The following FDXR variants were observed in gnomAD, a reference collection of about 807,000 sequenced individuals.
FDXR encodes the protein ferredoxin reductase.
Under a neutral mutation model 58.3 loss-of-function variants are expected in FDXR, and 38 were observed. That is an observed-to-expected ratio of 0.65 (90% confidence interval 0.50 to 0.85). The LOEUF is 0.85. Among genes scored for constraint, FDXR ranks in the 40% least tolerant of loss-of-function variants. FDXR has a pLI of 0.00. For synonymous variants in FDXR, 275 were observed against 273.8 expected (o/e 1.00, Z -0.04); for missense variants, 624 against 671.0 (o/e 0.93, Z 0.77).
rs35832918 is a variant in FDXR at position 74,872,981 on chromosome 17, A to G, written c.-37T>C. 0.023 allele frequency: 35,001 copies of G among 1,535,876 alleles called. 4,354 individuals carry two copies. In the African/African-American group the frequency reaches 0.33, roughly 15 times the overall value. On this transcript the variant is annotated 5_prime_UTR_variant, in exon 1 of 12. Coordinates refer to ENST00000293195, the MANE Select transcript of FDXR (RefSeq NM_024417.5). Reference sequence around the variant, plus strand: ...GCAACCTGCAAGTGGATCTGTTCCTAGCTACTGCTCCGCAGGGCAAGCCCG... The same window carrying G: ...GCAACCTGCAAGTGGATCTGTTCCTGGCTACTGCTCCGCAGGGCAAGCCCG...
chr17:74,871,936 C>CA, intron 2 of FDXR, 100 bp downstream of exon 2: 1 of 851,378 alleles, frequency 1.2e-6, no homozygotes, highest in Non-Finnish European at 1.8e-6. Context: ...GCCCCTTCCC[C>CA]ATAAGGCAAC....
At position 74,866,562 on chromosome 17, in the gene FDXR, T is replaced by C. The variant is rs1388327684; in HGVS notation, c.277A>G (p.Ile93Val). 2 of 1,613,384 alleles carry C rather than the reference T, an allele frequency of 1.2e-6. No individual in the cohort carries two copies. The highest frequency in any genetic ancestry group is 1.7e-6 in the Non-Finnish European group (2 of 1,180,014). ...TGGGCCGTCTGGGTAAATGTGTTGA[T>C]GACATTCTGCCAGGTCCCCCGGGAA... ...APDHPEVKNV[I>V]NTFTQTAHSG... The change falls in exon 4 of 12, where the codon ATC becomes GTC. Residue 93 changes from isoleucine (I) to valine (V), a missense_variant. Physicochemically the swap from Ile to Val is conservative, Grantham distance 29. Transcript: ENST00000293195.
Position 74,864,460 on chromosome 17 carries a change from G to A in FDXR, c.802+20C>T, listed in dbSNP as rs764945182. 31 of 1,611,742 alleles carry A rather than the reference G, an allele frequency of 1.9e-5. No homozygotes were observed. The South Asian group carries it at 3.0e-4, about 15-fold the overall frequency. Reference sequence around the variant, plus strand: ...CCACCCTCTCCCTAGTAGTTGGGGGGCCAGGCCAGGGCCCCTCACCCTTGA... The same window carrying A: ...CCACCCTCTCCCTAGTAGTTGGGGGACCAGGCCAGGGCCCCTCACCCTTGA... On this transcript the variant is annotated intron_variant, in intron 8 of 11. Transcript: ENST00000293195.
In FDXR at chr17:74,872,982, G is replaced by C; in HGVS notation, c.-38C>G. 1.3e-6 allele frequency: 2 copies of C among 1,531,704 alleles called. No homozygotes were observed. Among genetic ancestry groups the C allele is most frequent in the Non-Finnish European group, 1.8e-6 (2 of 1,134,360 alleles). The allele number at this position is 1,531,704 out of a possible 1,614,324, so 94.9% of individuals were successfully genotyped here. A position where few individuals can be genotyped will look rare whatever the true frequency, so the allele number is the denominator to read the frequency against. ...CAACCTGCAAGTGGATCTGTTCCTAGCTACTGCTCCGCAGGGCAAGCCCGC... is the reference window on the plus strand; with the variant it reads ...CAACCTGCAAGTGGATCTGTTCCTACCTACTGCTCCGCAGGGCAAGCCCGC... On this transcript the variant is annotated 5_prime_UTR_variant, in exon 1 of 12. Coordinates refer to ENST00000293195, the MANE Select transcript of FDXR (RefSeq NM_024417.5).
chr17:74,870,876 C>T (rs1462627662), intron 2 of FDXR, among the ~76,000 whole-genome samples: 1 of 142,546 alleles, frequency 7.0e-6, no homozygotes, highest in Admixed American at 7.6e-5. Context: ...GATCTTGGCT[C>T]AGTGCTACCT....
intron 2 of FDXR, chr17:74,868,432 A>G: frequency 1.4e-6 from 1 of 730,614 alleles, no homozygotes; most frequent in South Asian, 1.5e-5. Flanking sequence ...AGCTATCATT[A>G]CTATTCTGTT....
chr17:74,866,211 T>C lies in FDXR; in HGVS notation c.427A>G (p.Ile143Val), dbSNP rs776491969. The change falls in exon 5 of 12, where the codon ATT becomes GTT. Residue 143 changes from isoleucine (I) to valine (V), a missense_variant. Transcript: ENST00000293195. ...ACACCTGGCAGCTCCTCACCAGGAA[T>C]TTCCAGGGCCCGATGGTCCTCTGCC... Reference protein sequence around the residue: ...YGAEDHRALEIPGEELPGVCS... With the variant: ...YGAEDHRALEVPGEELPGVCS... 2 of 1,613,876 alleles carry C rather than the reference T, an allele frequency of 1.2e-6. No homozygotes were observed. Among genetic ancestry groups the C allele is most frequent in the African/African-American group, 1.3e-5 (1 of 74,906 alleles).
rs1598523643 is a variant in FDXR, at chr17:74,866,233, T to C, written c.405A>G (p.Ala135=). The change falls in exon 5 of 12, where the codon GCA becomes GCG. Residue 135 remains alanine, a synonymous_variant. Coordinates refer to ENST00000293195, the MANE Select transcript of FDXR (RefSeq NM_024417.5). ...GAATTTCCAGGGCCCGATGGTCCTC[T>C]GCCCCGTAGCTCTGATGAAAGATGG... The part of the protein sequence containing the change: ...AYHAVVLSYG[A]EDHRALEIPG... 1 of 1,613,624 alleles carries C rather than the reference T, an allele frequency of 6.2e-7. No individual in the cohort carries two copies.
At chr17:74,869,262 C>A (rs1033987122) in intron 2 of FDXR, among the ~76,000 whole-genome samples, 2 of 152,230 alleles carry the variant, frequency 1.3e-5, no homozygotes, top group African/African-American at 4.8e-5. Flanking sequence ...ATTGCTGACT[C>A]TTGGGCCCAG....
At chr17:74,869,830 T>C (rs2038312848) in intron 2 of FDXR, 1 of 392,620 alleles carries the variant, frequency 2.5e-6, no homozygotes, top group Non-Finnish European at 5.5e-6. Context: ...GTCCAGTAAA[T>C]GATTACTGAA....
At position 74,872,096 on chromosome 17, in the gene FDXR, G is replaced by C. The variant is rs1240175093; in HGVS notation, c.117C>G (p.Pro39=). The change falls in exon 2 of 12, where the codon CCC becomes CCG. Residue 39 remains proline (P), a synonymous_variant. Coordinates refer to ENST00000293195, the MANE Select transcript of FDXR (RefSeq NM_024417.5). The part of the protein sequence containing the change: ...CHHFSTQEKT[P]QICVVGSGPA... ...GGCCACTGCCCACCACACAGATCTG[G>C]GGGGTCTTCTCCTGTGTGGAGAAAT... is the stretch of plus-strand genomic sequence containing the variant. 2 of 1,607,756 alleles carry C rather than the reference G, an allele frequency of 1.2e-6. No individual in the cohort carries two copies. The highest frequency in any genetic ancestry group is 1.3e-5 in the African/African-American group (1 of 74,660).
chr17:74,866,199 C>A lies in FDXR; in HGVS notation c.439G>T (p.Glu147Ter), dbSNP rs775097448. ...DHRALEIPGE[E>*]LPGVCSARAF... ...CGGGCGGAGCACACACCTGGCAGCT[C>A]CTCACCAGGAATTTCCAGGGCCCGA... The change falls in exon 5 of 12, where the codon GAG becomes TAG. Residue 147 changes from glutamate to a stop codon, truncating the protein, a stop_gained. Transcript: ENST00000293195. LOFTEE classifies it high-confidence loss of function. 1 of 1,614,076 alleles carries A rather than the reference C, an allele frequency of 6.2e-7. No individual in the cohort carries two copies. The highest frequency in any genetic ancestry group is 8.5e-7 in the Non-Finnish European group (1 of 1,180,014).
At chr17:74,864,769 A>C (rs988702605) in intron 7 of FDXR, 55 bp downstream of exon 7, 9 of 1,609,416 alleles carry the variant, frequency 5.6e-6, no homozygotes, top group Non-Finnish European at 7.6e-6. Flanking sequence ...CCAACCCCTT[A>C]AGGAGAGGCC....
chr17:74,864,448 A>G (rs1292769515), intron 8 of FDXR, 32 bp downstream of exon 8: 5 of 1,609,968 alleles, frequency 3.1e-6, no homozygotes, highest in Non-Finnish European at 4.2e-6. Context: ...CCCTCTCCCT[A>G]GTAGTTGGGG....
chr17:74,872,871 G>A lies in FDXR; in HGVS notation c.74C>T (p.Thr25Ile), dbSNP rs775073438. The change falls in exon 1 of 12, where the codon ACC (threonine) becomes ATC (isoleucine). Residue 25 changes from threonine (T) to isoleucine (I), a missense_variant. Physicochemically the swap from Thr to Ile is moderately conservative, Grantham distance 89. Transcript: ENST00000293195. The stretch of plus-strand genomic sequence containing the variant: ...CAAAGGCGCCCTGCTCCTACTCGGG[G>A]TGCTCCCGGCGGGAGGCAGCCGGGT... ...PRTRLPPAGSTPSFCHHFSTQ... is the reference protein window; with the variant it reads ...PRTRLPPAGSIPSFCHHFSTQ... 1.0e-5 allele frequency: 16 copies of A among 1,547,830 alleles called. No homozygotes were observed. In the South Asian group the frequency reaches 1.8e-4, roughly 17 times the overall value.
At position 74,872,924 on chromosome 17, in the gene FDXR, G is replaced by C. The variant is rs1233627879; in HGVS notation, c.21C>G (p.Arg7=). 6.4e-7 allele frequency: 1 copy of C among 1,556,030 alleles called. No individual in the cohort carries two copies. The highest frequency in any genetic ancestry group is 8.7e-7 in the Non-Finnish European group (1 of 1,150,344). MASRCW[R]WWGWSAWPRT... is the part of the protein sequence containing the mutation. The stretch of plus-strand genomic sequence containing the variant: ...GAGGCCACGCCGACCAGCCCCACCA[G>C]CGCCAGCAGCGCGAAGCCATGGCTG... Residue 7 remains arginine (R), a synonymous_variant, in exon 1 of 12, where the codon CGC becomes CGG. Transcript: ENST00000293195.
intron 2 of FDXR, chr17:74,868,190 C>T: frequency 3.0e-6 from 1 of 337,894 alleles, no homozygotes; most frequent in Non-Finnish European, 5.6e-6. Context: ...CAGGGGGCTA[C>T]CCAAACCACC....
intron 6 of FDXR, among the ~76,000 whole-genome samples, chr17:74,865,229 G>T (rs377405901): frequency 1.4e-4 from 22 of 152,270 alleles, no homozygotes; most frequent in African/African-American, 4.6e-4. Flanking sequence ...GAGACAAGGA[G>T]CAGGCCCTCT....
chr17:74,869,840 A>C, intron 2 of FDXR: 1 of 403,172 alleles, frequency 2.5e-6, no homozygotes, highest in Non-Finnish European at 5.3e-6. Context: ...TGATTACTGA[A>C]TGGATTAACA....
Sources: allele counts gnomAD v4.1 joint callset (sites outside exome capture counted in the v4.1 genomes callset), GRCh38; gene constraint gnomAD v4.1.1; transcripts MANE v1.5; gene names NCBI Gene and HGNC (gene_info 2026-07-23, HGNC 2026-07-21).